RBFOX1: variants seen among roughly 807,000 people sequenced by gnomAD.
The protein encoded by RBFOX1 is RNA binding fox-1 homolog 1.
A neutral mutation model predicts 57.7 loss-of-function variants in RBFOX1; 8 were observed. The observed-to-expected ratio is 0.14, with a 90% confidence interval of 0.08 to 0.25. RBFOX1 has a LOEUF of 0.25. Among genes scored for constraint, RBFOX1 ranks in the 10% least tolerant of loss-of-function variants. RBFOX1 has a pLI of 1.00. For synonymous variants in RBFOX1, 326 were observed against 222.4 expected (o/e 1.47, Z -4.15); for missense variants, 611 against 548.5 (o/e 1.11, Z -1.14).
chr16:5,472,616 T>A (rs1391587443), intron 2 of RBFOX1, among the ~76,000 whole-genome samples: 1 of 152,170 alleles, frequency 6.6e-6, no homozygotes, highest in Non-Finnish European at 1.5e-5. Flanking sequence ...CTTAGAGTGA[T>A]TTCTGTGCTG....
intron 2 of RBFOX1, among the ~76,000 whole-genome samples, chr16:6,606,479 C>A (rs952999887): frequency 6.6e-6 from 1 of 152,102 alleles, no homozygotes; most frequent in African/African-American, 2.4e-5. Flanking sequence ...AGTTATTAAG[C>A]CCCATACGCA....
intron 1 of RBFOX1, among the ~76,000 whole-genome samples, chr16:5,322,059 A>G (rs34220421): frequency 0.12 from 18,507 of 152,084 alleles, 1,143 homozygotes; most frequent in Middle Eastern, 0.17. Context: ...GGGCTTTAGC[A>G]TGTTTCACAA....
chr16:6,764,000 G>C (rs537469656), intron 3 of RBFOX1, among the ~76,000 whole-genome samples: 1 of 152,288 alleles, frequency 6.6e-6, no homozygotes, highest in East Asian at 1.9e-4. Flanking sequence ...CAGGGAATGA[G>C]GTAGCAGGAT....
chr16:7,462,113 G>T (rs945326209), intron 4 of RBFOX1, among the ~76,000 whole-genome samples: 2 of 152,164 alleles, frequency 1.3e-5, no homozygotes, highest in Non-Finnish European at 2.9e-5. Context: ...TGACATACCA[G>T]GGAAGCTACT....
intron 2 of RBFOX1, among the ~76,000 whole-genome samples, chr16:6,432,848 C>G (rs1015801525): frequency 3.3e-5 from 5 of 151,310 alleles, no homozygotes; most frequent in African/African-American, 4.9e-5. Context: ...CGTGGTGGTG[C>G]ATGCCTGTAA....
rs867595811 is a variant in RBFOX1, at chr16:7,027,569, C to G, written c.-15-24488C>G. Among the ~76,000 whole-genome samples, 7 of 152,050 alleles carry G rather than the reference C, an allele frequency of 4.6e-5. No homozygotes were observed. The South Asian group carries it at 1.2e-3, about 27-fold the overall frequency. On this transcript the variant is annotated intron_variant, in intron 3 of 15. Coordinates refer to ENST00000550418, the MANE Select transcript of RBFOX1 (RefSeq NM_018723.4). The stretch of plus-strand genomic sequence containing the variant: ...CCCTGTGGTTTCTCTTAGTCTTAGA[C>G]CAAGACTAATGTACTTAGAAATACC...
At chr16:6,858,485 C>G (rs932438998) in intron 3 of RBFOX1, among the ~76,000 whole-genome samples, 1 of 152,110 alleles carries the variant, frequency 6.6e-6, no homozygotes, top group African/African-American at 2.4e-5. Context: ...GGTTTCCGGG[C>G]AGAGGTAGAA....
At chr16:7,032,084 C>T (rs768778388) in intron 3 of RBFOX1, among the ~76,000 whole-genome samples, 7 of 151,986 alleles carry the variant, frequency 4.6e-5, no homozygotes, top group Admixed American at 1.3e-4. Flanking sequence ...TTCGGATGGC[C>T]GTAGTGTCCC....
intron 4 of RBFOX1, among the ~76,000 whole-genome samples, chr16:7,065,217 G>C (rs1467748683): frequency 1.3e-5 from 2 of 152,174 alleles, no homozygotes; most frequent in Admixed American, 6.5e-5. Context: ...AGTGCCCCTA[G>C]CTTACTTAGA....
At chr16:7,160,293 A>G (rs1176554900) in intron 4 of RBFOX1, among the ~76,000 whole-genome samples, 1 of 152,074 alleles carries the variant, frequency 6.6e-6, no homozygotes, top group Non-Finnish European at 1.5e-5. Flanking sequence ...GGTTTCAGGC[A>G]AGTTGCATTA....
intron 1 of RBFOX1, among the ~76,000 whole-genome samples, chr16:5,429,983 CAGAG>C (rs1597031035): frequency 6.6e-6 from 1 of 152,166 alleles, no homozygotes; most frequent in African/African-American, 2.4e-5. Flanking sequence ...CTGAAGGAGG[CAGAG>C]AGGAGGCTGT....
chr16:5,866,615 G>T (rs2151895700), intron 3 of RBFOX1, among the ~76,000 whole-genome samples: 1 of 152,320 alleles, frequency 6.6e-6, no homozygotes, highest in East Asian at 1.9e-4. Flanking sequence ...TATACAGTAG[G>T]CTTGTAGATA....
At chr16:6,656,479 C>T (rs892084825) in intron 3 of RBFOX1, among the ~76,000 whole-genome samples, 4 of 151,974 alleles carry the variant, frequency 2.6e-5, no homozygotes, top group South Asian at 2.1e-4. Flanking sequence ...GTTAAGACAT[C>T]ATGATGATGG....
chr16:5,609,764 T>TGTTAATCTCA (rs1333909768), intron 3 of RBFOX1, among the ~76,000 whole-genome samples: 3 of 151,864 alleles, frequency 2.0e-5, no homozygotes, highest in Non-Finnish European at 4.4e-5. Context: ...CCCTAAGACT[T>TGTTAATCTCA]GTTAATCTCA....
At chr16:5,463,125 G>A (rs946405082) in intron 1 of RBFOX1, among the ~76,000 whole-genome samples, 3 of 152,120 alleles carry the variant, frequency 2.0e-5, no homozygotes, top group African/African-American at 7.2e-5. Context: ...AAGAATACAC[G>A]TCAACCTTGC....
At chr16:5,432,559 GT>G (rs35344614) in intron 1 of RBFOX1, among the ~76,000 whole-genome samples, 42,151 of 94,260 alleles carry the variant, frequency 0.45, 5,865 homozygotes, top group East Asian at 0.53. Flanking sequence ...TTGTTTGTTT[GT>G]TTTTTTTTTT....
At chr16:6,675,923 T>C (rs1364255477) in intron 3 of RBFOX1, among the ~76,000 whole-genome samples, 1 of 111,508 alleles carries the variant, frequency 9.0e-6, no homozygotes, top group Non-Finnish European at 2.1e-5. Context: ...GTGGTATTTG[T>C]CCAGGCCTGA....
intron 3 of RBFOX1, among the ~76,000 whole-genome samples, chr16:6,802,538 A>G (rs184953052): frequency 6.6e-6 from 1 of 152,238 alleles, no homozygotes; most frequent in African/African-American, 2.4e-5. Context: ...TTACTCGGGC[A>G]TGGTGGTGCA....
intron 2 of RBFOX1, among the ~76,000 whole-genome samples, chr16:6,533,043 C>G (rs1490649585): frequency 6.6e-6 from 1 of 152,180 alleles, no homozygotes; most frequent in African/African-American, 2.4e-5. Context: ...ACTTCTGATG[C>G]ATCACATGCT....
Sources: gnomAD v4.1 joint callset for allele counts (sites outside exome capture counted in the v4.1 genomes callset) on GRCh38, gnomAD v4.1.1 for gene constraint, MANE v1.5 for transcripts, NCBI Gene and HGNC (gene_info 2026-07-23, HGNC 2026-07-21) for gene names.